Variants in PTPRG observed in about 807,000 individuals in gnomAD.
PTPRG encodes receptor-type tyrosine-protein phosphatase gamma.
In PTPRG, 102 loss-of-function variants were observed where a neutral mutation model predicts 165.3. The observed-to-expected ratio is 0.62, with a 90% CI of 0.53 to 0.73. The LOEUF is 0.73. PTPRG is among the 30% of genes least tolerant of loss of function. The pLI is 0.00. For synonymous variants in PTPRG, 675 were observed against 669.5 expected (o/e 1.01, Z -0.13); for missense variants, 1,866 against 1,861.4 (o/e 1.00, Z -0.05).
At chr3:61,808,628 G>T (rs954177072) in intron 2 of PTPRG, among the ~76,000 whole-genome samples, 1 of 152,006 alleles carries the variant, frequency 6.6e-6, no homozygotes, top group Non-Finnish European at 1.5e-5. Context: ...TCGCAAAATC[G>T]CACAAAGATT....
intron 8 of PTPRG, among the ~76,000 whole-genome samples, chr3:62,171,020 A>G (rs1705194573): frequency 2.0e-5 from 3 of 152,228 alleles, no homozygotes; most frequent in Non-Finnish European, 2.9e-5. Context: ...AGTTAGAATC[A>G]TTCAGTATGT....
intron 2 of PTPRG, among the ~76,000 whole-genome samples, chr3:61,813,150 A>T (rs1479374278): frequency 6.6e-6 from 1 of 152,010 alleles, no homozygotes; most frequent in African/African-American, 2.4e-5. Flanking sequence ...ACGGAATGGT[A>T]GAGCATGGGG....
At chr3:62,036,506 G>T (rs1388551295) in intron 4 of PTPRG, among the ~76,000 whole-genome samples, 1 of 152,180 alleles carries the variant, frequency 6.6e-6, no homozygotes, top group African/African-American at 2.4e-5. Context: ...TGACATTTGT[G>T]TGTGATGCTT....
chr3:62,074,516 T>A (rs943694437), intron 4 of PTPRG, among the ~76,000 whole-genome samples: 1 of 151,848 alleles, frequency 6.6e-6, no homozygotes, highest in African/African-American at 2.4e-5. Context: ...TCCTGGCTAA[T>A]TTTTTGTAGA....
At chr3:61,850,908 T>A (rs2036945766) in intron 2 of PTPRG, among the ~76,000 whole-genome samples, 1 of 152,212 alleles carries the variant, frequency 6.6e-6, no homozygotes, top group African/African-American at 2.4e-5. Flanking sequence ...AATTTTGCTT[T>A]CCTGTGATTT....
Position 62,292,399 on chromosome 3 carries a change from ATC to A in PTPRG, c.4056-20_4056-19del. On this transcript the variant is annotated intron_variant, in intron 28 of 29. Coordinates refer to ENST00000474889, the MANE Select transcript of PTPRG (RefSeq NM_002841.4). ...GGTCCCTTTGTACATCTGAAATCGTATCTTTTTTTTTTCTCCCCCAGGTATGG... is the reference window on the plus strand; with the variant it reads ...GGTCCCTTTGTACATCTGAAATCGTATTTTTTTTTTCTCCCCCAGGTATGG... 1 of 1,600,640 alleles carries A rather than the reference ATC, an allele frequency of 6.2e-7. No homozygotes were observed.
chr3:61,927,163 C>T (rs1260787068), intron 2 of PTPRG, among the ~76,000 whole-genome samples: 10 of 152,154 alleles, frequency 6.6e-5, no homozygotes, highest in African/African-American at 2.4e-5. Context: ...TGATCTTTTC[C>T]ATCGGTAGGC....
intron 2 of PTPRG, among the ~76,000 whole-genome samples, chr3:61,909,117 G>C (rs1185645419): frequency 1.3e-5 from 2 of 152,132 alleles, no homozygotes; most frequent in Admixed American, 1.3e-4. Flanking sequence ...GGCCAATTTT[G>C]AGATAATTTT....
chr3:61,753,065 A>T (rs2033506478), intron 2 of PTPRG, among the ~76,000 whole-genome samples: 1 of 152,098 alleles, frequency 6.6e-6, no homozygotes, highest in South Asian at 2.1e-4. Flanking sequence ...GAACCTGGAG[A>T]TATGTATTAG....
At chr3:62,205,498 A>G (rs1700205764) in intron 12 of PTPRG, among the ~76,000 whole-genome samples, 1 of 152,206 alleles carries the variant, frequency 6.6e-6, no homozygotes, top group Non-Finnish European at 1.5e-5. Flanking sequence ...CATACCCTTA[A>G]GTAGCCTTAA....
intron 6 of PTPRG, among the ~76,000 whole-genome samples, chr3:62,150,642 A>G (rs1419287664): frequency 1.3e-5 from 2 of 152,290 alleles, no homozygotes; most frequent in East Asian, 1.9e-4. Context: ...GATCTTAGGC[A>G]TTTAAGGAAA....
intron 4 of PTPRG, among the ~76,000 whole-genome samples, chr3:62,029,725 A>G (rs1382416421): frequency 6.6e-6 from 1 of 152,208 alleles, no homozygotes; most frequent in Non-Finnish European, 1.5e-5. Flanking sequence ...AAACATTCAC[A>G]CACATTAACA....
intron 3 of PTPRG, among the ~76,000 whole-genome samples, chr3:61,994,868 A>C (rs777333505): frequency 6.6e-6 from 1 of 151,836 alleles, no homozygotes; most frequent in Admixed American, 6.6e-5. Context: ...AGGGGTAACT[A>C]CCCCTCCCCA....
At chr3:61,630,982 G>A (rs1331379298) in intron 1 of PTPRG, among the ~76,000 whole-genome samples, 1 of 152,100 alleles carries the variant, frequency 6.6e-6, no homozygotes, top group African/African-American at 2.4e-5. Flanking sequence ...CTTGAACCCG[G>A]GAGGTGGAGG....
chr3:62,022,419 C>A (rs2041718088), intron 4 of PTPRG, among the ~76,000 whole-genome samples: 1 of 152,152 alleles, frequency 6.6e-6, no homozygotes, highest in African/African-American at 2.4e-5. Flanking sequence ...TTTGACATAA[C>A]TGACTGGCAG....
intron 1 of PTPRG, among the ~76,000 whole-genome samples, chr3:61,567,480 A>G (rs1699939854): frequency 6.6e-6 from 1 of 152,038 alleles, no homozygotes; most frequent in African/African-American, 2.4e-5. Flanking sequence ...GAGACCAGCC[A>G]GGGCAACATA....
intron 1 of PTPRG, among the ~76,000 whole-genome samples, chr3:61,746,516 A>AT (rs886795897): frequency 6.6e-6 from 1 of 152,098 alleles, no homozygotes. Flanking sequence ...AACAGAATTG[A>AT]TTTTTTGGTC....
chr3:61,703,344 G>C (rs1237651813), intron 1 of PTPRG, among the ~76,000 whole-genome samples: 1 of 152,116 alleles, frequency 6.6e-6, no homozygotes, highest in African/African-American at 2.4e-5. Flanking sequence ...TAGCCGAAAG[G>C]GTTGTAAAGA....
chr3:61,800,189 G>A (rs1011297637), intron 2 of PTPRG, among the ~76,000 whole-genome samples: 2 of 152,164 alleles, frequency 1.3e-5, no homozygotes, highest in African/African-American at 4.8e-5. Context: ...GGGTAGGATG[G>A]TGACAGATAT....
Sources: allele counts gnomAD v4.1 joint callset (sites outside exome capture counted in the v4.1 genomes callset), GRCh38; gene constraint gnomAD v4.1.1; transcripts MANE v1.5; gene names NCBI Gene and HGNC (gene_info 2026-07-23, HGNC 2026-07-21).